ADARB1: variants seen among roughly 807,000 people sequenced by gnomAD.
ADARB1 encodes the protein adenosine deaminase RNA specific B1, also known as double-stranded RNA-specific editase 1.
Under a neutral mutation model 52.4 loss-of-function variants are expected in ADARB1, and 10 were observed. That is an observed-to-expected ratio of 0.19 (90% CI 0.12 to 0.32). The LOEUF (loss-of-function observed/expected upper bound fraction) is 0.32, where lower values mean the gene tolerates loss of function less well. ADARB1 is among the 10% of genes least tolerant of loss of function. ADARB1 has a pLI of 1.00. For missense variants in ADARB1, 643 were observed against 922.3 expected (o/e 0.70, Z 3.92); for synonymous variants, 349 against 371.1 (o/e 0.94, Z 0.68).
rs1289186568 is a variant in ADARB1, at chr21:45,222,186, C to G, written c.2095C>G (p.Leu699Val). Residue 699 changes from leucine to valine, a missense_variant, in exon 11 of 11, where the codon CTC becomes GTC. Physicochemically the swap from Leu to Val is conservative, Grantham distance 32. Around this residue, in one of 2 missense-constraint regions of ADARB1, gnomAD observed 263 missense variants for 475.8 expected, o/e 0.55. Coordinates refer to ENST00000348831, the MANE Select transcript of ADARB1 (RefSeq NM_001112.4). ...EKPTEQDQFS[L>V]TP ...GCCCACCGAGCAGGACCAGTTCTCA[C>G]TCACGCCCTGACCCGGGCAGACATG... 1.2e-5 allele frequency: 19 copies of G among 1,579,228 alleles called. No homozygotes were observed. Among genetic ancestry groups the G allele is most frequent in the Non-Finnish European group, 1.6e-5 (19 of 1,164,968 alleles).
rs1004633036 is a variant in ADARB1, at chr21:45,200,870, C to G, written c.1566-3685C>G. ...CCGACGTCTGTCTGCAGCTCAGTCTCTCAGGCCGGGCCCTTTACTGAATCA... is the reference window on the plus strand; with the variant it reads ...CCGACGTCTGTCTGCAGCTCAGTCTGTCAGGCCGGGCCCTTTACTGAATCA... On this transcript the variant is annotated intron_variant, in intron 8 of 10. Transcript: ENST00000348831. The surrounding 1 kb of genome is among the most constrained non-coding windows in gnomAD (Gnocchi z 5.0). Among the ~76,000 whole-genome samples, 1 of 152,308 alleles carries G rather than the reference C, an allele frequency of 6.6e-6. No individual in the cohort carries two copies. The highest frequency in any genetic ancestry group is 1.9e-4 in the East Asian group (1 of 5,186).
chr21:45,135,757 T>TAC (rs2089325145), intron 2 of ADARB1, among the ~76,000 whole-genome samples: 2 of 152,220 alleles, frequency 1.3e-5, no homozygotes, highest in Non-Finnish European at 2.9e-5. Context: ...AAAAAACATA[T>TAC]GAAGTGTAGA....
intron 9 of ADARB1, among the ~76,000 whole-genome samples, chr21:45,205,266 GAA>G (rs962216349): frequency 1.8e-5 from 2 of 111,722 alleles, no homozygotes; most frequent in Non-Finnish European, 3.5e-5. Context: ...GTCTTTAAAA[GAA>G]AGAAAGAAAG....
chr21:45,109,914 T>C (rs935935697), intron 1 of ADARB1, among the ~76,000 whole-genome samples: 2 of 152,254 alleles, frequency 1.3e-5, no homozygotes, highest in Admixed American at 6.5e-5. Context: ...TTCTCTCTCT[T>C]TTTGTCGCTA....
In ADARB1 at chr21:45,220,838, A is replaced by G. The variant is rs202213478; in HGVS notation, c.1750A>G (p.Ile584Val). The change falls in exon 10 of 11, where the codon ATC becomes GTC. Residue 584 changes from isoleucine to valine, a missense_variant and splice_region_variant. Around this residue, in one of 2 missense-constraint regions of ADARB1, gnomAD observed 263 missense variants for 475.8 expected, o/e 0.55. Coordinates refer to ENST00000348831, the MANE Select transcript of ADARB1 (RefSeq NM_001112.4). This position sits in a 1 kb window ranked among gnomAD's most constrained non-coding sequence, Gnocchi z 6.3. ...CCTTCCTGTGTCTTCCGTTTCAGGC[A>G]TCAGCAATGCAGAAGCACGGCAGCC... Reference protein sequence around the residue: ...YTLNKPLLSGISNAEARQPGK... With the variant: ...YTLNKPLLSGVSNAEARQPGK... 3.7e-6 allele frequency: 6 copies of G among 1,612,714 alleles called. No individual in the cohort carries two copies. Among genetic ancestry groups the G allele is most frequent in the Admixed American group, 1.7e-5 (1 of 60,014 alleles).
chr21:45,169,515 G>A (rs1278043020), intron 2 of ADARB1, among the ~76,000 whole-genome samples: 1 of 152,170 alleles, frequency 6.6e-6, no homozygotes, highest in Admixed American at 6.5e-5. Flanking sequence ...AAAGGAAAAT[G>A]CAGGGTCGCT....
intron 2 of ADARB1, among the ~76,000 whole-genome samples, chr21:45,147,941 G>A (rs981286605): frequency 6.6e-6 from 1 of 152,014 alleles, no homozygotes; most frequent in African/African-American, 2.4e-5. Context: ...AGAGGCTGCC[G>A]CGCCTGTGCC....
At chr21:45,103,930 T>A (rs577276261) in intron 1 of ADARB1, among the ~76,000 whole-genome samples, 32 of 152,352 alleles carry the variant, frequency 2.1e-4, no homozygotes, top group South Asian at 1.9e-3. Flanking sequence ...TTTCTTTGAT[T>A]TCTTAACTCT....
rs1419526742 is a variant in ADARB1, at chr21:45,186,260, A to C, written c.1565+1169A>C. 3.9e-5 allele frequency among the ~76,000 whole-genome samples: 6 copies of C among 152,354 alleles called. No homozygotes were observed. In the East Asian group the frequency reaches 1.2e-3, roughly 29 times the overall value. ...TTTTTGGAGCTATTTCTGTTGCTCT[A>C]ACCAACAGCCAGTTCACTACTGACT... On this transcript the variant is annotated intron_variant, in intron 8 of 10. Coordinates refer to ENST00000348831, the MANE Select transcript of ADARB1 (RefSeq NM_001112.4).
At chr21:45,185,120 C>G in intron 8 of ADARB1, 29 bp downstream of exon 8, 1 of 1,607,888 alleles carries the variant, frequency 6.2e-7, no homozygotes, top group South Asian at 1.1e-5. Context: ...CTGTGGCCAC[C>G]TCCCTGCACA....
intron 8 of ADARB1, among the ~76,000 whole-genome samples, chr21:45,185,487 T>C (rs544452473): frequency 1.8e-4 from 27 of 152,376 alleles, no homozygotes; most frequent in African/African-American, 6.0e-4. Context: ...TTTTAGGTAG[T>C]TGATATGTGC....
chr21:45,098,270 C>T (rs2086851107), intron 1 of ADARB1, among the ~76,000 whole-genome samples: 1 of 152,226 alleles, frequency 6.6e-6, no homozygotes, highest in Non-Finnish European at 1.5e-5. Flanking sequence ...TCCCATCTGT[C>T]TCCAGATCCC....
At chr21:45,079,675 G>A (rs1044311523) in intron 1 of ADARB1, among the ~76,000 whole-genome samples, 5 of 152,236 alleles carry the variant, frequency 3.3e-5, no homozygotes, top group Admixed American at 2.0e-4. Flanking sequence ...TGTCAGGGTT[G>A]TTGAGTTGCT....
intron 2 of ADARB1, among the ~76,000 whole-genome samples, chr21:45,166,912 T>G (rs1051861558): frequency 2.6e-5 from 4 of 152,180 alleles, no homozygotes; most frequent in African/African-American, 9.7e-5. Context: ...CTTGGAATTT[T>G]GTTCCATAGG....
intron 2 of ADARB1, among the ~76,000 whole-genome samples, chr21:45,134,052 G>A (rs1317727262): frequency 9.9e-5 from 11 of 110,944 alleles, no homozygotes; most frequent in African/African-American, 2.9e-4. Context: ...GGGTGTGTGT[G>A]CCCGACAGTG....
chr21:45,215,856 T>C (rs1443964750), intron 9 of ADARB1, among the ~76,000 whole-genome samples: 1 of 152,236 alleles, frequency 6.6e-6, no homozygotes, highest in Non-Finnish European at 1.5e-5. Context: ...TGGGGTGCAT[T>C]TCTTTCTCTT....
At position 45,135,723 on chromosome 21, in the gene ADARB1, C is replaced by T. The variant is rs574316163; in HGVS notation, c.-48+7150C>T. On this transcript the variant is annotated intron_variant, in intron 2 of 10. Coordinates refer to ENST00000348831, the MANE Select transcript of ADARB1 (RefSeq NM_001112.4). ...ACTGACAAGTCTGCCATCCACATTT[C>T]GAAATGTATTAGAAAAATTGGAAAA... Among the ~76,000 whole-genome samples the T allele has an allele frequency of 1.2e-4, 18 of 152,258 alleles. No individual in the cohort carries two copies. The East Asian group carries it at 1.5e-3, about 13-fold the overall frequency.
intron 1 of ADARB1, among the ~76,000 whole-genome samples, chr21:45,091,498 G>A (rs180999800): frequency 6.6e-6 from 1 of 152,282 alleles, no homozygotes. Flanking sequence ...CAGGAGATCA[G>A]CTTACAGTTT....
chr21:45,195,648 C>T (rs2092408594), intron 8 of ADARB1, among the ~76,000 whole-genome samples: 1 of 151,332 alleles, frequency 6.6e-6, no homozygotes, highest in Admixed American at 6.6e-5. Flanking sequence ...TTGGTTCTAG[C>T]ACTGTTTGTA....
Sources: allele counts gnomAD v4.1 joint callset (sites outside exome capture counted in the v4.1 genomes callset), GRCh38; gene constraint gnomAD v4.1.1; regional missense constraint gnomAD v4.1.1; non-coding constraint Gnocchi (gnomAD v3.1); transcripts MANE v1.5; gene names NCBI Gene and HGNC (gene_info 2026-07-23, HGNC 2026-07-21).